Variants in JAKMIP3 observed in about 807,000 individuals in gnomAD.
The protein encoded by JAKMIP3 is Janus kinase and microtubule interacting protein 3.
JAKMIP3 carries 58 observed loss-of-function variants against 118.5 expected under a neutral mutation model. That is an observed-to-expected ratio of 0.49 (90% CI 0.40 to 0.61). The LOEUF (loss-of-function observed/expected upper bound fraction) is 0.61. Among genes scored for constraint, JAKMIP3 ranks in the 20% least tolerant of loss-of-function variants. The pLI, the probability that JAKMIP3 is intolerant of heterozygous loss-of-function variation, is 0.00. For synonymous variants in JAKMIP3, 486 were observed against 451.2 expected (o/e 1.08, Z -0.98); for missense variants, 950 against 1,109.0 (o/e 0.86, Z 2.04).
chr10:132,078,626 G>C (rs58055110), intron 1 of JAKMIP3, among the ~76,000 whole-genome samples: 86 of 139,356 alleles, frequency 6.2e-4, no homozygotes, highest in African/African-American at 2.4e-3. Context: ...GGGCGGGGGG[G>C]GGGGGGGGTC....
chr10:132,037,858 G>A (rs1389269981), intron 1 of JAKMIP3, among the ~76,000 whole-genome samples: 1 of 152,190 alleles, frequency 6.6e-6, no homozygotes, highest in Non-Finnish European at 1.5e-5. Context: ...CTGCCCCGGG[G>A]GCCTGGCCCA....
intron 23 of JAKMIP3, among the ~76,000 whole-genome samples, chr10:132,171,025 C>T (rs2059437087): frequency 6.6e-6 from 1 of 152,222 alleles, no homozygotes; most frequent in African/African-American, 2.4e-5. Context: ...GTGGGGAAAC[C>T]TGTGAGCAGA....
chr10:132,104,311 G>A (rs554747758), intron 1 of JAKMIP3, among the ~76,000 whole-genome samples: 8 of 152,316 alleles, frequency 5.3e-5, no homozygotes, highest in Non-Finnish European at 1.2e-4. Context: ...TGGTTTATAT[G>A]TGCCATTGCC....
chr10:132,105,783 G>A (rs898485835), intron 2 of JAKMIP3, among the ~76,000 whole-genome samples: 8 of 151,862 alleles, frequency 5.3e-5, no homozygotes, highest in Admixed American at 2.0e-4. Flanking sequence ...GGTGCCTGCC[G>A]TGGGCTTGGA....
At chr10:132,125,833 G>A (rs1215982286) in intron 3 of JAKMIP3, among the ~76,000 whole-genome samples, 1 of 152,128 alleles carries the variant, frequency 6.6e-6, no homozygotes, top group African/African-American at 2.4e-5. Flanking sequence ...CTTCTAACCT[G>A]CAGCCTTGCT....
Position 132,171,653 on chromosome 10 carries a change from T to TC in JAKMIP3, c.*1103+2620_*1103+2621insC, listed in dbSNP as rs1554960339. Among the ~76,000 whole-genome samples, 549 of 56,584 alleles carry TC rather than the reference T, an allele frequency of 9.7e-3. 6 individuals carry two copies. The highest frequency in any genetic ancestry group is 0.031 in the African/African-American group (512 of 16,702). The allele number at this position is 56,584 out of a possible 152,430, so 37.1% of individuals were successfully genotyped here. On this transcript the variant is annotated intron_variant, in intron 23 of 23. Transcript: ENST00000684848. Reference sequence around the variant, plus strand: ...TGTCCCTGTCTTATTTTTTTCTTTCTTTTTTTTTTTTTTTTTTGAGACAGG... The same window carrying TC: ...TGTCCCTGTCTTATTTTTTTCTTTCTCTTTTTTTTTTTTTTTTTGAGACAGG...
At chr10:132,167,413 C>T (rs769667170) in intron 22 of JAKMIP3, among the ~76,000 whole-genome samples, 5 of 152,160 alleles carry the variant, frequency 3.3e-5, no homozygotes, top group African/African-American at 4.8e-5. Context: ...GGGGCAGACA[C>T]GGTGGTTCTG....
At chr10:132,135,644 A>G (rs2051599529) in intron 5 of JAKMIP3, among the ~76,000 whole-genome samples, 1 of 151,894 alleles carries the variant, frequency 6.6e-6, no homozygotes, top group South Asian at 2.1e-4. Flanking sequence ...ATGGGACGGG[A>G]CTCACCCCCG....
chr10:132,130,121 C>T (rs1025540713), intron 3 of JAKMIP3, among the ~76,000 whole-genome samples: 2 of 152,130 alleles, frequency 1.3e-5, no homozygotes, highest in Admixed American at 6.5e-5. Context: ...TACAAGCTCT[C>T]CTACCCCACC....
intron 1 of JAKMIP3, among the ~76,000 whole-genome samples, chr10:132,053,332 G>T (rs183687250): frequency 6.6e-6 from 1 of 152,306 alleles, no homozygotes; most frequent in East Asian, 1.9e-4. Context: ...GCAGAGTGTG[G>T]GTTGTATAGT....
chr10:132,070,864 G>A (rs530307209), intron 1 of JAKMIP3, among the ~76,000 whole-genome samples: 7 of 152,282 alleles, frequency 4.6e-5, no homozygotes, highest in Non-Finnish European at 7.4e-5. Flanking sequence ...AGACACAAGC[G>A]CTGGGCTTGC....
chr10:132,162,953 C>T (rs1455120699), intron 19 of JAKMIP3, among the ~76,000 whole-genome samples: 1 of 152,210 alleles, frequency 6.6e-6, no homozygotes, highest in Admixed American at 6.5e-5. Flanking sequence ...ATAGCTCAGT[C>T]CTCCCCCACT....
At chr10:132,054,766 T>C (rs1369809112) in intron 1 of JAKMIP3, among the ~76,000 whole-genome samples, 1 of 152,200 alleles carries the variant, frequency 6.6e-6, no homozygotes, top group African/African-American at 2.4e-5. Flanking sequence ...GCACCGAAGC[T>C]GTTCCCCTGG....
chr10:132,097,446 C>A (rs1322478757), intron 1 of JAKMIP3, among the ~76,000 whole-genome samples: 1 of 150,822 alleles, frequency 6.6e-6, no homozygotes, highest in Non-Finnish European at 1.5e-5. Flanking sequence ...CACGGACTCT[C>A]GGGAGGTCGC....
chr10:132,173,339 A>G (rs1223293962), intron 23 of JAKMIP3, among the ~76,000 whole-genome samples: 3 of 149,584 alleles, frequency 2.0e-5, no homozygotes, highest in Non-Finnish European at 3.0e-5. Context: ...TGTTTGTGAC[A>G]CTGGCGGTAG....
intron 1 of JAKMIP3, among the ~76,000 whole-genome samples, chr10:132,101,354 A>C (rs867941450): frequency 6.6e-6 from 1 of 152,092 alleles, no homozygotes; most frequent in African/African-American, 2.4e-5. Flanking sequence ...CGACCCCCCA[A>C]CCCCACCACT....
At chr10:132,107,643 A>G (rs1448318854) in intron 2 of JAKMIP3, among the ~76,000 whole-genome samples, 1 of 152,228 alleles carries the variant, frequency 6.6e-6, no homozygotes, top group Non-Finnish European at 1.5e-5. Context: ...AACTGACAGC[A>G]TGCTGGATGC....
upstream of JAKMIP3, among the ~76,000 whole-genome samples, chr10:132,065,121 C>A (rs1313940223): frequency 3.3e-5 from 5 of 152,114 alleles, no homozygotes; most frequent in African/African-American, 9.7e-5. The surrounding 1 kb of genome is among the most constrained non-coding windows in gnomAD (Gnocchi z 5.6). Context: ...GAGCTTCAGG[C>A]CACCCGCACC....
At chr10:132,086,327 A>T (rs2042391392) in intron 1 of JAKMIP3, among the ~76,000 whole-genome samples, 1 of 152,192 alleles carries the variant, frequency 6.6e-6, no homozygotes, top group Admixed American at 6.5e-5. Flanking sequence ...AATAGAATAT[A>T]TTCTGCAGTC....
Sources: gnomAD v4.1 joint callset for allele counts (sites outside exome capture counted in the v4.1 genomes callset) on GRCh38, gnomAD v4.1.1 for gene constraint, Gnocchi (gnomAD v3.1) non-coding constraint, MANE v1.5 for transcripts, NCBI Gene and HGNC (gene_info 2026-07-23, HGNC 2026-07-21) for gene names.